RAB3GAP1: variants seen among roughly 807,000 people sequenced by gnomAD.
RAB3GAP1 encodes the protein rab3 GTPase-activating protein catalytic subunit.
RAB3GAP1 carries 86 observed loss-of-function variants against 130.7 expected under a neutral mutation model. That is an observed-to-expected ratio of 0.66 (90% CI 0.55 to 0.79). The LOEUF is 0.79. Ranked by LOEUF, RAB3GAP1 falls within the 30% of genes least tolerant of loss-of-function variation. The pLI is 0.00. For synonymous variants in RAB3GAP1, 367 were observed against 401.7 expected (o/e 0.91, Z 1.03); for missense variants, 1,029 against 1,169.4 (o/e 0.88, Z 1.75).
At chr2:135,147,128 C>A (rs1173469308) in intron 17 of RAB3GAP1, among the ~76,000 whole-genome samples, 1 of 152,042 alleles carries the variant, frequency 6.6e-6, no homozygotes, top group African/African-American at 2.4e-5. Context: ...GGTGGATCAC[C>A]TGAGGTCAGG....
At chr2:135,161,642 T>C (rs541893781) in intron 19 of RAB3GAP1, among the ~76,000 whole-genome samples, 1 of 152,290 alleles carries the variant, frequency 6.6e-6, no homozygotes, top group East Asian at 1.9e-4. Flanking sequence ...AGTATGTATA[T>C]TTCTTAATTT....
chr2:135,141,604 T>A (rs1346372968), intron 17 of RAB3GAP1, among the ~76,000 whole-genome samples: 1 of 152,202 alleles, frequency 6.6e-6, no homozygotes, highest in Non-Finnish European at 1.5e-5. Context: ...GTTTTTCTTA[T>A]GTGGTTAGTG....
intron 5 of RAB3GAP1, among the ~76,000 whole-genome samples, chr2:135,096,014 T>G (rs1267690334): frequency 6.6e-6 from 1 of 152,248 alleles, no homozygotes; most frequent in African/African-American, 2.4e-5. Context: ...TGATACCATC[T>G]GCAGTTTCAA....
Position 135,135,757 on chromosome 2 carries a change from A to G in RAB3GAP1, c.1748A>G (p.Glu583Gly). ...KSWDSWSDSE[E>G]EFFECLSDTE... ...TGGGATTCCTGGAGTGACAGCGAAG[A>G]AGAATTTTTTGAATGCCTAAGTGAT... The change falls in exon 17 of 24, where the codon GAA becomes GGA. Residue 583 changes from glutamate to glycine, a missense_variant. By Grantham distance (98) the Glu-to-Gly change is moderately conservative (BLOSUM62 -2). Coordinates refer to ENST00000264158, the MANE Select transcript of RAB3GAP1 (RefSeq NM_012233.3). 6.2e-7 allele frequency: 1 copy of G among 1,614,116 alleles called. No homozygotes were observed. The highest frequency in any genetic ancestry group is 2.2e-5 in the East Asian group (1 of 44,864).
chr2:135,071,400 T>C (rs1479249719), intron 3 of RAB3GAP1, among the ~76,000 whole-genome samples: 1 of 152,174 alleles, frequency 6.6e-6, no homozygotes, highest in Non-Finnish European at 1.5e-5. Context: ...AATAGTTTGG[T>C]TTCATATTTT....
chr2:135,119,333 C>T (rs1001440393), intron 7 of RAB3GAP1, among the ~76,000 whole-genome samples: 9 of 152,150 alleles, frequency 5.9e-5, no homozygotes, highest in African/African-American at 2.2e-4. Context: ...TGGTCTTGAA[C>T]TCCTGATTTC....
intron 16 of RAB3GAP1, 61 bp downstream of exon 16, chr2:135,135,380 C>T (rs1266575737): frequency 3.3e-6 from 5 of 1,507,680 alleles, no homozygotes; most frequent in Non-Finnish European, 4.6e-6. Flanking sequence ...TATTCTAATA[C>T]TAAATGTAAT....
At chr2:135,057,205 C>G (rs1689038456) in intron 2 of RAB3GAP1, among the ~76,000 whole-genome samples, 1 of 152,116 alleles carries the variant, frequency 6.6e-6, no homozygotes, top group African/African-American at 2.4e-5. Flanking sequence ...TTAAAGTTGA[C>G]ATATTTACTT....
At chr2:135,085,730 T>C (rs1689954221) in intron 3 of RAB3GAP1, among the ~76,000 whole-genome samples, 1 of 152,224 alleles carries the variant, frequency 6.6e-6, no homozygotes, top group African/African-American at 2.4e-5. Flanking sequence ...TCAGAAGTTA[T>C]TTTTCTACTG....
downstream of RAB3GAP1, among the ~76,000 whole-genome samples, chr2:135,173,778 C>T (rs936101853): frequency 6.2e-4 from 95 of 152,226 alleles, no homozygotes; most frequent in African/African-American, 2.2e-3. Context: ...ACAGGTGGCC[C>T]GTCTACTGTC....
chr2:135,058,693 T>G (rs1689088220), intron 3 of RAB3GAP1: 1 of 152,434 alleles, frequency 6.6e-6, no homozygotes, highest in Admixed American at 6.5e-5. Flanking sequence ...GTAGTTTTAT[T>G]CATAAACCAC....
In RAB3GAP1 at chr2:135,153,694, TC is replaced by T; in HGVS notation, c.2108del (p.Ser703TyrfsTer10). 1 of 1,614,016 alleles carries T rather than the reference TC, an allele frequency of 6.2e-7. No individual in the cohort carries two copies. On this transcript the variant is annotated frameshift_variant, in exon 19 of 24. Transcript: ENST00000264158. LOFTEE classifies it high-confidence loss of function. ...CCTGGAAGATTTTGTGAGGTGGTAT[TC>T]ACCCCGGGATTATATTGAAGAGGAG... ...CSLEDFVRWYSPRDYIEEEVI... is the reference protein window; with the variant it reads ...CSLEDFVRWYXPRDYIEEEVI...
Position 135,133,274 on chromosome 2 carries a change from AG to A in RAB3GAP1, c.1326+291del, listed in dbSNP as rs559411514. On this transcript the variant is annotated intron_variant, in intron 14 of 23. Transcript: ENST00000264158. Reference sequence around the variant, plus strand: ...AATCATTAAATTTGTGTTTCTCAGCAGATTCTTTTTGATATTTTAAAACTAG... The same window carrying A: ...AATCATTAAATTTGTGTTTCTCAGCAATTCTTTTTGATATTTTAAAACTAG... Among the ~76,000 whole-genome samples the A allele has an allele frequency of 2.4e-4, 36 of 152,304 alleles. No homozygotes were observed. The South Asian group carries it at 7.5e-3, about 32-fold the overall frequency.
intron 17 of RAB3GAP1, among the ~76,000 whole-genome samples, chr2:135,145,143 C>T (rs577766057): frequency 2.0e-5 from 3 of 152,000 alleles, no homozygotes; most frequent in African/African-American, 4.8e-5. Context: ...GCATAGAAAG[C>T]GTAATGATCA....
intron 3 of RAB3GAP1, among the ~76,000 whole-genome samples, chr2:135,087,988 G>A (rs933174500): frequency 5.3e-5 from 8 of 152,166 alleles, no homozygotes; most frequent in African/African-American, 1.9e-4. Flanking sequence ...TATCCTAATG[G>A]AATTGAATAT....
chr2:135,129,649 T>C (rs1483227329), intron 11 of RAB3GAP1, among the ~76,000 whole-genome samples: 2 of 152,088 alleles, frequency 1.3e-5, no homozygotes, highest in African/African-American at 2.4e-5. Flanking sequence ...GATTACTACA[T>C]ACTTAGAGTA....
intron 17 of RAB3GAP1, among the ~76,000 whole-genome samples, chr2:135,145,629 A>G (rs1035582346): frequency 6.6e-6 from 1 of 152,132 alleles, no homozygotes; most frequent in African/African-American, 2.4e-5. Context: ...AGTTTTTTCA[A>G]CTATAAGTTC....
intron 3 of RAB3GAP1, among the ~76,000 whole-genome samples, chr2:135,081,249 G>A (rs1298457159): frequency 7.1e-6 from 1 of 140,068 alleles, no homozygotes; most frequent in Non-Finnish European, 1.5e-5. Flanking sequence ...GGAGCTTGCA[G>A]TGAGCCGAGA....
In RAB3GAP1 at chr2:135,130,596, G is replaced by A; in HGVS notation, c.1111G>A (p.Ala371Thr). 6.2e-7 allele frequency: 1 copy of A among 1,613,696 alleles called. No individual in the cohort carries two copies. Among genetic ancestry groups the A allele is most frequent in the Non-Finnish European group, 8.5e-7 (1 of 1,179,818 alleles). ...THALSKLTEP[A>T]SVPIHKLSVS... ...TGCTTTGTCAAAATTGACAGAGCCGGCATCAGTTCCAATTCATAAATTATC... is the reference window on the plus strand; with the variant it reads ...TGCTTTGTCAAAATTGACAGAGCCGACATCAGTTCCAATTCATAAATTATC... The change falls in exon 13 of 24, where the codon GCA becomes ACA. Residue 371 changes from alanine to threonine, a missense_variant. Physicochemically the swap from Ala to Thr is moderately conservative, Grantham distance 58. Coordinates refer to ENST00000264158, the MANE Select transcript of RAB3GAP1 (RefSeq NM_012233.3).
Sources: gnomAD v4.1 joint callset for allele counts (sites outside exome capture counted in the v4.1 genomes callset) on GRCh38, gnomAD v4.1.1 for gene constraint, MANE v1.5 for transcripts, NCBI Gene and HGNC (gene_info 2026-07-23, HGNC 2026-07-21) for gene names.